COPB1: variants seen among roughly 807,000 people sequenced by gnomAD.
The protein encoded by COPB1 is coat protein complex I subunit beta 1, also known as coatomer subunit beta.
Under a neutral mutation model 108.7 loss-of-function variants are expected in COPB1, and 21 were observed. The ratio of observed to expected loss-of-function variants is 0.19; its 90% CI spans 0.14 to 0.28. COPB1 has a LOEUF of 0.28. Ranked by LOEUF, COPB1 falls within the 10% of genes least tolerant of loss-of-function variation. COPB1 has a pLI of 1.00. For synonymous variants in COPB1, 378 were observed against 386.8 expected (o/e 0.98, Z 0.27); for missense variants, 919 against 1,141.3 (o/e 0.81, Z 2.81).
chr11:14,471,333 G>A (rs1281306386), intron 14 of COPB1, among the ~76,000 whole-genome samples: 3 of 152,168 alleles, frequency 2.0e-5, no homozygotes, highest in Non-Finnish European at 4.4e-5. Context: ...AACTCGGTAT[G>A]TTACAAGAAA....
At chr11:14,464,296 TC>T (rs1209560736) in intron 18 of COPB1, among the ~76,000 whole-genome samples, 1 of 152,248 alleles carries the variant, frequency 6.6e-6, no homozygotes, top group Non-Finnish European at 1.5e-5. Flanking sequence ...CTTTATGGAT[TC>T]CTACCTTACT....
intron 11 of COPB1, among the ~76,000 whole-genome samples, chr11:14,477,663 G>A (rs1464837671): frequency 2.0e-5 from 3 of 152,098 alleles, no homozygotes; most frequent in Non-Finnish European, 4.4e-5. Flanking sequence ...GAGAGGCTGA[G>A]GCGGGCGGAT....
chr11:14,480,374 T>C (rs1850634938), intron 10 of COPB1, among the ~76,000 whole-genome samples: 1 of 152,212 alleles, frequency 6.6e-6, no homozygotes, highest in South Asian at 2.1e-4. Context: ...TATCTGACAG[T>C]GACAGCAAAA....
chr11:14,458,763 C>CT (rs34021860), intron 20 of COPB1, 76 bp from the exon 21 acceptor site: 25,991 of 791,576 alleles, frequency 0.033, 18 homozygotes, highest in Non-Finnish European at 0.037. Flanking sequence ...GCATAGGTGA[C>CT]TTTTTTTTTT....
In COPB1 at chr11:14,469,575, A is replaced by G. The variant is rs1850359622; in HGVS notation, c.1738-12T>C. ...TCAGCAACAAAAGACTAAGAAAGTA[A>G]AGAAATCGGTTACTGATATTGTCTT... On this transcript the variant is annotated splice_polypyrimidine_tract_variant and intron_variant, in intron 14 of 21. Coordinates refer to ENST00000439561, the MANE Select transcript of COPB1 (RefSeq NM_001144061.2). 6.2e-7 allele frequency: 1 copy of G among 1,603,764 alleles called. No homozygotes were observed. The highest frequency in any genetic ancestry group is 8.5e-7 in the Non-Finnish European group (1 of 1,170,944).
chr11:14,493,897 A>G, intron 3 of COPB1, 86 bp from the exon 4 acceptor site: 1 of 1,214,948 alleles, frequency 8.2e-7, no homozygotes, highest in Non-Finnish European at 1.1e-6. Context: ...AATGGAAAAA[A>G]AATACGTTTG....
chr11:14,460,319 CAAG>C, intron 19 of COPB1, 22 bp from the exon 20 acceptor site: 1 of 1,429,898 alleles, frequency 7.0e-7, no homozygotes, highest in Non-Finnish European at 9.7e-7. Context: ...AAAAAAAAGT[CAAG>C]GAGATCATAA....
chr11:14,488,718 G>A, intron 5 of COPB1, 134 bp from the exon 6 acceptor site: 1 of 422,680 alleles, frequency 2.4e-6, no homozygotes, highest in East Asian at 3.6e-5. Flanking sequence ...AATTAACTGG[G>A]AAAAAAATCA....
intron 2 of COPB1, among the ~76,000 whole-genome samples, chr11:14,497,981 A>G (rs1419765296): frequency 6.6e-6 from 1 of 152,228 alleles, no homozygotes; most frequent in African/African-American, 2.4e-5. Flanking sequence ...TATTTGTGGA[A>G]GCTAAAAATC....
chr11:14,474,434 A>G, intron 14 of COPB1, 61 bp downstream of exon 14: 1 of 1,498,994 alleles, frequency 6.7e-7, no homozygotes, highest in Non-Finnish European at 9.1e-7. Context: ...CTCACTGTTC[A>G]ATGCATATAG....
At chr11:14,487,012 A>T (rs75537529) in intron 6 of COPB1, among the ~76,000 whole-genome samples, 2,014 of 152,300 alleles carry the variant, frequency 0.013, 41 homozygotes, top group African/African-American at 0.046. Flanking sequence ...CGGATGATAT[A>T]AATCTCAATA....
At position 14,461,083 on chromosome 11, in the gene COPB1, T is replaced by C. The variant is rs1014084898; in HGVS notation, c.2556+103A>G. On this transcript the variant is annotated intron_variant, in intron 19 of 21. Transcript: ENST00000439561. ...ATACTGAAAGACTATTTGCTTTTCA[T>C]GTTAAACACTTTTTAGCGAGATTAA... The C allele has an allele frequency of 1.6e-5, 23 of 1,426,176 alleles. No homozygotes were observed. The African/African-American group carries it at 3.0e-4, about 19-fold the overall frequency. 88.3% of individuals were successfully genotyped at this position (1,426,176 alleles called of 1,614,324 possible).
chr11:14,487,537 C>T (rs373265032), intron 6 of COPB1, among the ~76,000 whole-genome samples: 4 of 151,694 alleles, frequency 2.6e-5, no homozygotes, highest in Non-Finnish European at 4.4e-5. Context: ...TAGCTGGATA[C>T]GGTGGCGTGC....
chr11:14,478,805 C>T (rs1312456576), intron 11 of COPB1: 1 of 151,720 alleles, frequency 6.6e-6, no homozygotes, highest in East Asian at 1.9e-4. Context: ...GTCATCTTTC[C>T]CCTAAGATTT....
chr11:14,467,992 T>A (rs886071547), intron 16 of COPB1, among the ~76,000 whole-genome samples: 1 of 152,164 alleles, frequency 6.6e-6, no homozygotes, highest in African/African-American at 2.4e-5. Flanking sequence ...TGAATTTAAT[T>A]AATGCCACAG....
chr11:14,486,072 A>G (rs1230684976), intron 7 of COPB1, among the ~76,000 whole-genome samples: 1 of 152,144 alleles, frequency 6.6e-6, no homozygotes, highest in Non-Finnish European at 1.5e-5. Context: ...CTGTCTCAGG[A>G]GTAGCAGAGG....
chr11:14,458,916 C>T (rs575217925), intron 20 of COPB1, among the ~76,000 whole-genome samples: 16 of 152,092 alleles, frequency 1.1e-4, no homozygotes, highest in African/African-American at 2.2e-4. Context: ...TACAGGCATT[C>T]GCCACCACAC....
intron 7 of COPB1, 100 bp from the exon 8 acceptor site, chr11:14,483,251 C>T: frequency 1.5e-6 from 1 of 666,292 alleles, no homozygotes; most frequent in Non-Finnish European, 2.3e-6. Context: ...CACACACACA[C>T]ACACACACTC....
At chr11:14,491,697 G>A (rs1468560430) in intron 4 of COPB1, among the ~76,000 whole-genome samples, 2 of 147,814 alleles carry the variant, frequency 1.4e-5, no homozygotes, top group East Asian at 3.9e-4. Flanking sequence ...GGAACTGGTA[G>A]AAGGAAACAC....
Sources: gnomAD v4.1 joint callset for allele counts (sites outside exome capture counted in the v4.1 genomes callset) on GRCh38, gnomAD v4.1.1 for gene constraint, MANE v1.5 for transcripts, NCBI Gene and HGNC (gene_info 2026-07-23, HGNC 2026-07-21) for gene names.